The following NUP98 variants were observed in gnomAD, a reference collection of about 807,000 sequenced individuals.
NUP98 encodes the protein nuclear pore complex protein Nup98-Nup96.
A neutral mutation model predicts 191.9 loss-of-function variants in NUP98; 26 were observed. That is an observed-to-expected ratio of 0.14 (90% confidence interval 0.10 to 0.19). The LOEUF is 0.19. NUP98 is among the 10% of genes least tolerant of loss of function. The pLI is 1.00. For synonymous variants in NUP98, 808 were observed against 778.4 expected, an observed-to-expected ratio of 1.04 and a Z score of -0.63; for missense variants, 1,941 against 2,178.8, an observed-to-expected ratio of 0.89 and a Z score of 2.17.
intron 25 of NUP98, among the ~76,000 whole-genome samples, chr11:3,696,273 G>A (rs139818188): frequency 4.6e-3 from 701 of 152,126 alleles, no homozygotes; most frequent in Non-Finnish European, 6.5e-3. Context: ...AAGCCAAGGC[G>A]GGCAAATCAC....
Position 3,731,581 on chromosome 11 carries a change from GA to G in NUP98, c.1543-4del, listed in dbSNP as rs767140346. 3.9e-6 allele frequency: 6 copies of G among 1,519,440 alleles called. No individual in the cohort carries two copies. Among genetic ancestry groups the G allele is most frequent in the Non-Finnish European group, 5.3e-6 (6 of 1,130,966 alleles). 94.1% of individuals were successfully genotyped at this position (1,519,440 alleles called of 1,614,324 possible). A position where few individuals can be genotyped will look rare whatever the true frequency, so the allele number is the denominator to read the frequency against. On this transcript the variant is annotated splice_region_variant and splice_polypyrimidine_tract_variant and intron_variant, in intron 13 of 32. Transcript: ENST00000324932. ...GCTGGATTTGTTGGTTTCAATCTCT[GA>G]AAAACAAAAGCATCAAGGAAATTTT...
intron 20 of NUP98, chr11:3,711,538 A>T (rs1411314721): frequency 6.5e-6 from 1 of 153,292 alleles, no homozygotes; most frequent in Non-Finnish European, 1.5e-5. Context: ...TACAGAAAAT[A>T]AGGCCATCTG....
At chr11:3,754,655 G>A (rs2080893334) in intron 10 of NUP98, among the ~76,000 whole-genome samples, 1 of 151,206 alleles carries the variant, frequency 6.6e-6, no homozygotes, top group Non-Finnish European at 1.5e-5. Flanking sequence ...AAATCCACAG[G>A]TATCAGCCAG....
chr11:3,745,212 CTAACACAA>C (rs2080446296), intron 11 of NUP98, among the ~76,000 whole-genome samples: 1 of 137,306 alleles, frequency 7.3e-6, no homozygotes, highest in African/African-American at 2.5e-5. Context: ...AAATACTCAA[CTAACACAA>C]TCATGTCATC....
chr11:3,686,155 T>G lies in NUP98; in HGVS notation c.4494A>C (p.Ile1498=). 6.2e-7 allele frequency: 1 copy of G among 1,614,256 alleles called. No homozygotes were observed. The highest frequency in any genetic ancestry group is 1.1e-5 in the South Asian group (1 of 91,092). The change falls in exon 29 of 33, where the codon ATA becomes ATC. Residue 1498 remains isoleucine, a synonymous_variant. Coordinates refer to ENST00000324932, the MANE Select transcript of NUP98 (RefSeq NM_016320.5). The part of the protein sequence containing the change: ...DLNQLLEPRS[I]TADPLDYRLS... ...GGCGGTAGTCCAAAGGATCTGCTGT[T>G]ATGCTTCGAGGCTCCAGCAGCTGGT...
chr11:3,744,484 G>A, intron 12 of NUP98, 25 bp downstream of exon 12: 1 of 1,571,798 alleles, frequency 6.4e-7, no homozygotes, highest in Non-Finnish European at 8.6e-7. Flanking sequence ...ATTAAGAAAA[G>A]CCTTCTAAAG....
chr11:3,749,683 A>G (rs2080667008), intron 11 of NUP98, among the ~76,000 whole-genome samples: 1 of 137,166 alleles, frequency 7.3e-6, no homozygotes, highest in Non-Finnish European at 1.7e-5. Context: ...GTAGGTGCAG[A>G]AAAAAAGAAA....
intron 8 of NUP98, 47 bp from the exon 9 acceptor site, chr11:3,763,086 C>A: frequency 6.5e-7 from 1 of 1,545,566 alleles, no homozygotes; most frequent in Non-Finnish European, 8.8e-7. Context: ...TAATAGTTTC[C>A]GTAACGAATC....
chr11:3,723,302 C>G lies in NUP98; in HGVS notation c.2001G>C (p.Val667=), dbSNP rs1190513049. Reference sequence around the variant, plus strand: ...TGTTTAATGCAACAATGGTATCATCCACACTGTTGCTGTTGCTGTGTTTAT... The same window carrying G: ...TGTTTAATGCAACAATGGTATCATCGACACTGTTGCTGTTGCTGTGTTTAT... ...AGNKHSNSNS[V]DDTIVALNMR... is the part of the protein sequence containing the mutation. The change falls in exon 16 of 33, where the codon GTG becomes GTC. Residue 667 remains valine, a synonymous_variant. Transcript: ENST00000324932. 6.2e-7 allele frequency: 1 copy of G among 1,614,118 alleles called. No homozygotes were observed. The highest frequency in any genetic ancestry group is 1.1e-5 in the South Asian group (1 of 91,080).
At chr11:3,765,249 G>C (rs1208315799) in intron 8 of NUP98, among the ~76,000 whole-genome samples, 3 of 152,106 alleles carry the variant, frequency 2.0e-5, no homozygotes, top group Middle Eastern at 3.2e-3. Flanking sequence ...GAGTGCAGTG[G>C]CCTATTCATA....
chr11:3,783,164 G>A (rs1564926802), intron 1 of NUP98, among the ~76,000 whole-genome samples: 1 of 152,118 alleles, frequency 6.6e-6, no homozygotes, highest in Non-Finnish European at 1.5e-5. Flanking sequence ...GGCTGAAGCG[G>A]GCTGATTGCT....
intron 31 of NUP98, 190 bp downstream of exon 31, chr11:3,679,364 A>C (rs1217277192): frequency 2.8e-6 from 2 of 724,624 alleles, no homozygotes; most frequent in East Asian, 5.2e-5. Flanking sequence ...TCAACATAAA[A>C]TAGCATTTTT....
At chr11:3,680,420 G>A (rs1472158641) in intron 30 of NUP98, among the ~76,000 whole-genome samples, 4 of 152,128 alleles carry the variant, frequency 2.6e-5, no homozygotes, top group African/African-American at 7.2e-5. Flanking sequence ...CATCACATCT[G>A]CAAGTACTTC....
At chr11:3,738,926 C>G (rs2080177329) in intron 12 of NUP98, among the ~76,000 whole-genome samples, 2 of 151,870 alleles carry the variant, frequency 1.3e-5, no homozygotes, top group South Asian at 4.1e-4. Context: ...AACAGAAGAA[C>G]AGACTGTACT....
chr11:3,699,441 AAATT>A, intron 24 of NUP98, 93 bp from the exon 25 acceptor site: 7 of 1,370,338 alleles, frequency 5.1e-6, no homozygotes, highest in African/African-American at 1.4e-5. Flanking sequence ...AAAAATACAT[AAATT>A]AATAGACATC....
At chr11:3,756,954 A>T (rs2080980011) in intron 10 of NUP98, among the ~76,000 whole-genome samples, 1 of 151,756 alleles carries the variant, frequency 6.6e-6, no homozygotes, top group Non-Finnish European at 1.5e-5. Flanking sequence ...CAGACGTGGC[A>T]GCATGCGCCT....
At chr11:3,744,098 C>T (rs984233673) in intron 12 of NUP98, among the ~76,000 whole-genome samples, 2 of 152,032 alleles carry the variant, frequency 1.3e-5, no homozygotes, top group African/African-American at 4.8e-5. Flanking sequence ...ATAGATAAAA[C>T]TAAATTTAGG....
rs1554904728 is a variant in NUP98 at position 3,784,586 on chromosome 11, A to AAC, written c.-28-2442_-28-2441insGT. Among the ~76,000 whole-genome samples the AAC allele has an allele frequency of 8.2e-4, 79 of 96,776 alleles. 1 individual carries two copies. Among genetic ancestry groups the AAC allele is most frequent in the African/African-American group, 2.6e-3 (60 of 22,654 alleles). 63.5% of individuals were successfully genotyped at this position (96,776 alleles called of 152,430 possible). On this transcript the variant is annotated intron_variant, in intron 1 of 32. Coordinates refer to ENST00000324932, the MANE Select transcript of NUP98 (RefSeq NM_016320.5). ...GCAAGACTCTGTCTCTATTAAAAAC[A>AAC]AAAAAAAAACAAAAAAAAACAAAAA...
chr11:3,760,942 T>C (rs1412691768), intron 9 of NUP98, among the ~76,000 whole-genome samples: 1 of 152,184 alleles, frequency 6.6e-6, no homozygotes, highest in East Asian at 1.9e-4. Flanking sequence ...CAAATATCTT[T>C]TTACCTGTTA....
Sources: gnomAD v4.1 joint callset for allele counts (sites outside exome capture counted in the v4.1 genomes callset) on GRCh38, gnomAD v4.1.1 for gene constraint, MANE v1.5 for transcripts, NCBI Gene and HGNC (gene_info 2026-07-23, HGNC 2026-07-21) for gene names.